The following PKP2 variants were observed in gnomAD, a reference collection of about 807,000 sequenced individuals.
The protein encoded by PKP2 is plakophilin-2.
PKP2 carries 73 observed loss-of-function variants against 83.4 expected under a neutral mutation model. That is an observed-to-expected ratio of 0.88 (90% confidence interval 0.72 to 1.06). The LOEUF is 1.06. Ranked by LOEUF, PKP2 falls within the 50% of genes least tolerant of loss-of-function variation. The pLI, the probability that PKP2 is intolerant of heterozygous loss-of-function variation, is 0.00. For synonymous variants in PKP2, 409 were observed against 430.4 expected, an observed-to-expected ratio of 0.95 and a Z score of 0.62; for missense variants, 966 against 1,065.4, an observed-to-expected ratio of 0.91 and a Z score of 1.30.
intron 4 of PKP2, among the ~76,000 whole-genome samples, chr12:32,854,311 C>T (rs562025045): frequency 2.0e-5 from 3 of 152,306 alleles, no homozygotes; most frequent in South Asian, 4.1e-4. Flanking sequence ...TACAGACATA[C>T]CAGTGCTTAG....
intron 1 of PKP2, among the ~76,000 whole-genome samples, chr12:32,892,998 C>T (rs1591834740): frequency 6.6e-6 from 1 of 152,258 alleles, no homozygotes; most frequent in Non-Finnish European, 1.5e-5. Context: ...CTGCTATACA[C>T]CTCTGAAGGC....
chr12:32,884,294 A>G (rs1328252259), intron 1 of PKP2, among the ~76,000 whole-genome samples: 2 of 152,122 alleles, frequency 1.3e-5, no homozygotes, highest in Non-Finnish European at 2.9e-5. Flanking sequence ...TCTCTACTAA[A>G]ATGACAAAAA....
intron 5 of PKP2, among the ~76,000 whole-genome samples, chr12:32,847,921 C>T (rs1956662007): frequency 1.3e-5 from 2 of 152,006 alleles, no homozygotes; most frequent in South Asian, 4.2e-4. Context: ...ACAGCGAGAT[C>T]CCCATCCTTT....
chr12:32,860,756 G>A (rs1328192548), intron 4 of PKP2, among the ~76,000 whole-genome samples: 5 of 152,070 alleles, frequency 3.3e-5, no homozygotes, highest in African/African-American at 9.7e-5. Context: ...TGGTCTGGGC[G>A]CGGTGGTGCA....
intron 4 of PKP2, among the ~76,000 whole-genome samples, chr12:32,851,737 G>C (rs1430796526): frequency 6.6e-6 from 1 of 152,090 alleles, no homozygotes; most frequent in Non-Finnish European, 1.5e-5. Context: ...CAAAGTGCTG[G>C]GATTACAGGC....
At chr12:32,821,214 A>C in intron 9 of PKP2, 142 bp downstream of exon 9, 2 of 778,180 alleles carry the variant, frequency 2.6e-6, no homozygotes, top group South Asian at 3.2e-5. Flanking sequence ...CTGAGACCGA[A>C]GCCCTCTGTA....
At chr12:32,853,980 C>T (rs899725554) in intron 4 of PKP2, among the ~76,000 whole-genome samples, 1 of 152,178 alleles carries the variant, frequency 6.6e-6, no homozygotes, top group Non-Finnish European at 1.5e-5. Context: ...TATACATTCA[C>T]ACTTTATAAG....
intron 9 of PKP2, among the ~76,000 whole-genome samples, chr12:32,812,228 T>C (rs1956284099): frequency 6.6e-6 from 1 of 151,544 alleles, no homozygotes; most frequent in Non-Finnish European, 1.5e-5. Context: ...ACGCATGGTG[T>C]CATGCTGGTG....
chr12:32,879,167 A>G, intron 1 of PKP2, 135 bp from the exon 2 acceptor site: 4 of 677,566 alleles, frequency 5.9e-6, no homozygotes, highest in Non-Finnish European at 1.1e-5. Flanking sequence ...ACGTACGTTA[A>G]TGTTTTTAAA....
At chr12:32,813,729 C>G (rs1373167819) in intron 9 of PKP2, among the ~76,000 whole-genome samples, 1 of 151,338 alleles carries the variant, frequency 6.6e-6, no homozygotes, top group Non-Finnish European at 1.5e-5. Context: ...CTGCAGTGAG[C>G]CATGATTATA....
rs1956390212 is a variant in PKP2 at position 32,822,506 on chromosome 12, A to G, written c.1800T>C (p.Ser600=). The G allele has an allele frequency of 6.2e-7, 1 of 1,614,006 alleles. No individual in the cohort carries two copies. The highest frequency in any genetic ancestry group is 1.1e-5 in the South Asian group (1 of 91,070). ...NRNIQTDNNK[S]IGCFGSRSRK... Reference sequence around the variant, plus strand: ...TGCTTCGACTGCCAAAACATCCAATACTTTTGTTGTTGTCAGTCTGGATAT... The same window carrying G: ...TGCTTCGACTGCCAAAACATCCAATGCTTTTGTTGTTGTCAGTCTGGATAT... Residue 600 remains serine, a synonymous_variant, in exon 8 of 13, where the codon AGT becomes AGC. Coordinates refer to ENST00000340811, the MANE Select transcript of PKP2 (RefSeq NM_001005242.3).
At chr12:32,807,004 C>T (rs887984583) in intron 9 of PKP2, among the ~76,000 whole-genome samples, 1 of 152,036 alleles carries the variant, frequency 6.6e-6, no homozygotes, top group Non-Finnish European at 1.5e-5. Context: ...TTTCTATGTA[C>T]TTGTGTGGTT....
At chr12:32,793,658 C>T (rs6488093) in intron 11 of PKP2, among the ~76,000 whole-genome samples, 69,258 of 132,058 alleles carry the variant, frequency 0.52, 19,340 homozygotes, top group Non-Finnish European at 0.64. Context: ...TGCAGTGGAG[C>T]GATCTCGGCT....
At position 32,878,419 on chromosome 12, in the gene PKP2, C is replaced by T. The variant is rs778228018; in HGVS notation, c.461G>A (p.Ser154Asn). The change falls in exon 3 of 13, where the codon AGC (serine) becomes AAC (asparagine). Residue 154 changes from serine (S) to asparagine (N), a missense_variant. Ser to Asn is a conservative substitution (Grantham distance 46, BLOSUM62 1). Transcript: ENST00000340811. ...PLRRLEISPD[S>N]SPERAHYTHS... ...CGTGTAGTGAGCCCTCTCCGGGCTG[C>T]TGTCAGGAGAAATCTCCAGTCTCCT... is the stretch of plus-strand genomic sequence containing the variant. 6.2e-7 allele frequency: 1 copy of T among 1,614,078 alleles called. No homozygotes were observed. Among genetic ancestry groups the T allele is most frequent in the South Asian group, 1.1e-5 (1 of 91,076 alleles).
chr12:32,895,930 C>T (rs1233302306), intron 1 of PKP2, among the ~76,000 whole-genome samples: 2 of 152,222 alleles, frequency 1.3e-5, no homozygotes, highest in Non-Finnish European at 2.9e-5. Flanking sequence ...CTCCTAACTA[C>T]TTTTCTTCAC....
intron 4 of PKP2, among the ~76,000 whole-genome samples, chr12:32,854,046 C>CA (rs953217119): frequency 8.6e-5 from 13 of 151,622 alleles, no homozygotes; most frequent in South Asian, 8.3e-4. Context: ...ATATCAGATG[C>CA]AAAAAAAATC....
At chr12:32,800,987 G>A (rs1296260959) in intron 10 of PKP2, among the ~76,000 whole-genome samples, 1 of 152,226 alleles carries the variant, frequency 6.6e-6, no homozygotes, top group Non-Finnish European at 1.5e-5. Flanking sequence ...CAAAGCATGT[G>A]TTCAAGCTGA....
rs373360192 is a variant in PKP2, at chr12:32,822,627, G to A, written c.1679C>T (p.Thr560Met). 37 of 1,613,790 alleles carry A rather than the reference G, an allele frequency of 2.3e-5. No individual in the cohort carries two copies. Among genetic ancestry groups the A allele is most frequent in the Admixed American group, 8.3e-5 (5 of 60,000 alleles). ...ATGAAGAATGCACACACAATTCTCC[G>A]TGGCCTGAGAAAACAGGACAAGAAT... ...IADYQPDDKA[T>M]ENCVCILHNL... The change falls in exon 8 of 13, where the codon ACG becomes ATG. Residue 560 changes from threonine (T) to methionine (M), a missense_variant. Coordinates refer to ENST00000340811, the MANE Select transcript of PKP2 (RefSeq NM_001005242.3).
intron 3 of PKP2, among the ~76,000 whole-genome samples, chr12:32,873,730 A>G (rs1200419466): frequency 6.6e-6 from 1 of 152,022 alleles, no homozygotes. Flanking sequence ...GGTTTTCACC[A>G]TGTTGGCCAG....
Sources: allele counts gnomAD v4.1 joint callset (sites outside exome capture counted in the v4.1 genomes callset), GRCh38; gene constraint gnomAD v4.1.1; transcripts MANE v1.5; gene names NCBI Gene and HGNC (gene_info 2026-07-23, HGNC 2026-07-21).